MAF: variants seen among roughly 807,000 people sequenced by gnomAD.
MAF encodes the protein transcription factor Maf.
MAF carries 10 observed loss-of-function variants against 22.0 expected under a neutral mutation model. That is an observed-to-expected ratio of 0.45 (90% CI 0.28 to 0.77). The LOEUF (loss-of-function observed/expected upper bound fraction) is 0.77, where lower values mean the gene tolerates loss of function less well. Ranked by LOEUF, MAF falls within the 30% of genes least tolerant of loss-of-function variation. The pLI is 0.12. For missense variants in MAF, 544 were observed against 548.4 expected, an observed-to-expected ratio of 0.99 and a Z score of 0.08; for synonymous variants, 337 against 255.8, an observed-to-expected ratio of 1.32 and a Z score of -3.03.
chr16:79,441,992 G>T, the MAF span, among the ~76,000 whole-genome samples: 1 of 152,194 alleles, frequency 6.6e-6, no homozygotes, highest in African/African-American at 2.4e-5. Flanking sequence ...GGGCTTGGAG[G>T]GCAGACACAG....
chr16:79,549,531 C>G, the MAF span, among the ~76,000 whole-genome samples: 2 of 152,238 alleles, frequency 1.3e-5, no homozygotes, highest in African/African-American at 4.8e-5. Flanking sequence ...AGAGACTGAA[C>G]TGAATCGATT....
chr16:79,237,581 G>A, the MAF span, among the ~76,000 whole-genome samples: 292 of 152,138 alleles, frequency 1.9e-3, 7 homozygotes, highest in Non-Finnish European at 3.9e-3. Flanking sequence ...GTATGGAGAC[G>A]TGGAAATTCT....
the MAF span, among the ~76,000 whole-genome samples, chr16:79,499,995 A>G: frequency 6.6e-6 from 1 of 152,288 alleles, no homozygotes; most frequent in African/African-American, 2.4e-5. Flanking sequence ...GGGCAGACAC[A>G]TAGAGAGGTT....
chr16:79,577,453 A>T, the MAF span, among the ~76,000 whole-genome samples: 1 of 152,192 alleles, frequency 6.6e-6, no homozygotes, highest in Admixed American at 6.5e-5. Flanking sequence ...ATCTGTGTGA[A>T]GGAGATTAGA....
the MAF span, among the ~76,000 whole-genome samples, chr16:79,267,094 A>G: frequency 9.2e-5 from 14 of 152,238 alleles, no homozygotes; most frequent in African/African-American, 3.4e-4. Flanking sequence ...GTAATACACT[A>G]TAAAGTCAGG....
the MAF span, among the ~76,000 whole-genome samples, chr16:79,219,541 T>A: frequency 4.9e-5 from 5 of 101,966 alleles, no homozygotes; most frequent in South Asian, 3.7e-4. Flanking sequence ...ACAGCGAGAC[T>A]CTGCCTCAAA....
downstream of MAF, among the ~76,000 whole-genome samples, chr16:79,591,637 G>A (rs1913195856): frequency 6.6e-6 from 1 of 152,176 alleles, no homozygotes; most frequent in South Asian, 2.1e-4. Context: ...GTACGACTCT[G>A]ATGAAAATTC....
the MAF span, among the ~76,000 whole-genome samples, chr16:79,367,777 T>A: frequency 1.3e-5 from 2 of 152,204 alleles, no homozygotes. Context: ...CAGCACAGAC[T>A]GAGTGAATGA....
At chr16:79,570,344 G>T in the MAF span, among the ~76,000 whole-genome samples, 6 of 150,894 alleles carry the variant, frequency 4.0e-5, no homozygotes, top group South Asian at 2.1e-4. Flanking sequence ...CTTCTCCCCA[G>T]TCTTTCAGAT....
downstream of MAF, among the ~76,000 whole-genome samples, chr16:79,583,303 G>A (rs958987228): frequency 1.2e-4 from 19 of 152,176 alleles, no homozygotes; most frequent in African/African-American, 4.1e-4. Context: ...TTGAATTCAT[G>A]TCATCGGATT....
At chr16:79,235,467 G>A in the MAF span, among the ~76,000 whole-genome samples, 1 of 152,042 alleles carries the variant, frequency 6.6e-6, no homozygotes, top group Non-Finnish European at 1.5e-5. Flanking sequence ...GAGGGAGGCT[G>A]AGGTGGGGAG....
chr16:79,437,545 G>A, the MAF span, among the ~76,000 whole-genome samples: 3 of 152,192 alleles, frequency 2.0e-5, no homozygotes, highest in African/African-American at 7.2e-5. Flanking sequence ...GGTACCCAGA[G>A]CCAGCCACTG....
the MAF span, among the ~76,000 whole-genome samples, chr16:79,268,515 T>C: frequency 6.6e-6 from 1 of 152,168 alleles, no homozygotes; most frequent in Non-Finnish European, 1.5e-5. Flanking sequence ...AGGTTAGCAA[T>C]TGTGACCACC....
chr16:79,212,914 G>GAAAGAA, the MAF span: 1 of 151,314 alleles, frequency 6.6e-6, no homozygotes, highest in Non-Finnish European at 1.5e-5. Context: ...GTTAAAGAAA[G>GAAAGAA]AAAAAAGAAA....
At chr16:79,450,724 T>C in the MAF span, among the ~76,000 whole-genome samples, 6 of 151,668 alleles carry the variant, frequency 4.0e-5, no homozygotes, top group African/African-American at 1.5e-4. Context: ...CGGATGGAGA[T>C]GGAGATGGAG....
the MAF span, among the ~76,000 whole-genome samples, chr16:79,444,713 G>T: frequency 6.6e-6 from 1 of 152,312 alleles, no homozygotes; most frequent in East Asian, 1.9e-4. Flanking sequence ...GTTTCTGGGT[G>T]CAGGGCTCCA....
chr16:79,549,860 G>A, the MAF span, among the ~76,000 whole-genome samples: 12 of 152,234 alleles, frequency 7.9e-5, no homozygotes, highest in African/African-American at 2.2e-4. Context: ...TGATCATTCC[G>A]TAAATAAAGG....
the MAF span, among the ~76,000 whole-genome samples, chr16:79,537,423 G>A: frequency 6.7e-6 from 1 of 149,590 alleles, no homozygotes; most frequent in Admixed American, 6.6e-5. Flanking sequence ...CAAAAGGGAG[G>A]CACTATTGCA....
chr16:79,378,211 G>A, the MAF span, among the ~76,000 whole-genome samples: 1 of 152,054 alleles, frequency 6.6e-6, no homozygotes, highest in East Asian at 1.9e-4. Context: ...CAGCAGTACG[G>A]CAACTGAAAC....
Sources: gnomAD v4.1 joint callset for allele counts (sites outside exome capture counted in the v4.1 genomes callset) on GRCh38, gnomAD v4.1.1 for gene constraint, MANE v1.5 for transcripts, NCBI Gene and HGNC (gene_info 2026-07-23, HGNC 2026-07-21) for gene names.